Variants in CRACDL observed in about 807,000 individuals in gnomAD.
The protein encoded by CRACDL is CRACD like, also known as CRACD-like protein.
In CRACDL, 26 loss-of-function variants were observed where a neutral mutation model predicts 70.6. That is an observed-to-expected ratio of 0.37 (90% CI 0.27 to 0.51). CRACDL has a LOEUF of 0.51. Ranked by LOEUF, CRACDL falls within the 20% of genes least tolerant of loss-of-function variation. The pLI is 0.94. For synonymous variants in CRACDL, 618 were observed against 615.2 expected (o/e 1.00, Z -0.07); for missense variants, 1,283 against 1,376.9 (o/e 0.93, Z 1.08).
At chr2:98,876,650 C>G (rs1707495423) in intron 1 of CRACDL, among the ~76,000 whole-genome samples, 1 of 152,222 alleles carries the variant, frequency 6.6e-6, no homozygotes, top group Non-Finnish European at 1.5e-5. Context: ...TTCCATGAAA[C>G]TGATCTCTGG....
chr2:98,832,664 C>G (rs1575364199), intron 4 of CRACDL, 152 bp from the exon 5 acceptor site: 2 of 1,015,510 alleles, frequency 2.0e-6, no homozygotes, highest in East Asian at 2.4e-5. Flanking sequence ...ACCAGCTCTT[C>G]CACTGCCATC....
chr2:98,930,622 C>A, intron 1 of CRACDL, among the ~76,000 whole-genome samples: 1 of 152,000 alleles, frequency 6.6e-6, no homozygotes, highest in Admixed American at 6.6e-5. Context: ...GTCACCTACC[C>A]CTCTTCCGTC....
chr2:98,804,363 G>A (rs1391289431), intron 7 of CRACDL, among the ~76,000 whole-genome samples: 3 of 152,138 alleles, frequency 2.0e-5, no homozygotes, highest in Non-Finnish European at 2.9e-5. Context: ...TTGAGAATTC[G>A]CCTACTCGCT....
At chr2:98,907,352 G>C (rs7607186) in intron 1 of CRACDL, among the ~76,000 whole-genome samples, 19,783 of 152,160 alleles carry the variant, frequency 0.13, 1,498 homozygotes, top group Non-Finnish European at 0.16. Flanking sequence ...CAATGTGACT[G>C]TGTGACTTCC....
At chr2:98,824,019 C>A (rs1462986188) in intron 6 of CRACDL, among the ~76,000 whole-genome samples, 3 of 152,184 alleles carry the variant, frequency 2.0e-5, no homozygotes, top group African/African-American at 7.2e-5. Context: ...CTCTATGGCT[C>A]TGTGTTCCTC....
chr2:98,922,610 A>T (rs921130482), intron 1 of CRACDL, among the ~76,000 whole-genome samples: 1 of 152,188 alleles, frequency 6.6e-6, no homozygotes, highest in Non-Finnish European at 1.5e-5. Context: ...CCCAGGGAAG[A>T]CCAGCTCAAG....
chr2:98,797,261 G>A, intron 8 of CRACDL, 89 bp downstream of exon 8: 1 of 1,229,796 alleles, frequency 8.1e-7, no homozygotes, highest in Non-Finnish European at 1.2e-6. Flanking sequence ...CGCCCATGCA[G>A]CACATGTGGT....
At chr2:98,918,628 C>G (rs1453180661) in intron 1 of CRACDL, among the ~76,000 whole-genome samples, 1 of 148,886 alleles carries the variant, frequency 6.7e-6, no homozygotes, top group African/African-American at 2.5e-5. Flanking sequence ...TAATAGCCAT[C>G]CTTTCTGCTA....
intron 1 of CRACDL, among the ~76,000 whole-genome samples, chr2:98,858,846 G>A (rs1293999807): frequency 6.6e-6 from 1 of 151,882 alleles, no homozygotes; most frequent in African/African-American, 2.4e-5. Context: ...GTATTTTAAG[G>A]GAATATTATG....
chr2:98,866,002 G>T (rs1476309281), intron 1 of CRACDL, among the ~76,000 whole-genome samples: 1 of 151,910 alleles, frequency 6.6e-6, no homozygotes, highest in East Asian at 1.9e-4. Flanking sequence ...CCTGCTCTCT[G>T]AAGCTGTCAT....
At chr2:98,876,237 A>C (rs1276567913) in intron 1 of CRACDL, among the ~76,000 whole-genome samples, 1 of 152,230 alleles carries the variant, frequency 6.6e-6, no homozygotes, top group Non-Finnish European at 1.5e-5. Context: ...TCCTTTACAG[A>C]TCTAAAATCA....
chr2:98,896,929 C>T (rs1271905991), intron 1 of CRACDL, among the ~76,000 whole-genome samples: 1 of 152,158 alleles, frequency 6.6e-6, no homozygotes, highest in African/African-American at 2.4e-5. Context: ...GCAGGCATTG[C>T]TCACCCTTCT....
Position 98,923,605 on chromosome 2 carries a change from A to G in CRACDL, c.-11+12333T>C, listed in dbSNP as rs536639176. 3.9e-5 allele frequency among the ~76,000 whole-genome samples: 6 copies of G among 152,340 alleles called. No individual in the cohort carries two copies. The South Asian group carries it at 1.2e-3, about 32-fold the overall frequency. ...TGTGAATCCCTGATGTACATGCACT[A>G]TCTAGAAATGAAATCAATACTAGGT... On this transcript the variant is annotated intron_variant, in intron 1 of 9. Transcript: ENST00000397899.
chr2:98,841,729 A>T (rs1325054480), intron 2 of CRACDL, among the ~76,000 whole-genome samples: 2 of 152,162 alleles, frequency 1.3e-5, no homozygotes, highest in African/African-American at 4.8e-5. Context: ...ATCACTCCTG[A>T]AATACATTTT....
chr2:98,847,492 C>T (rs1323972501), intron 1 of CRACDL, among the ~76,000 whole-genome samples: 1 of 152,098 alleles, frequency 6.6e-6, no homozygotes, highest in African/African-American at 2.4e-5. Context: ...ATCTTTACCC[C>T]CACACCCCAT....
intron 7 of CRACDL, among the ~76,000 whole-genome samples, chr2:98,814,979 GTGTTA>G (rs1704723414): frequency 1.3e-5 from 2 of 151,470 alleles, no homozygotes; most frequent in South Asian, 2.1e-4. Context: ...AGTCTTCTTT[GTGTTA>G]TATGAATATA....
At chr2:98,836,834 G>A (rs1373560365) in intron 3 of CRACDL, among the ~76,000 whole-genome samples, 1 of 152,164 alleles carries the variant, frequency 6.6e-6, no homozygotes, top group Non-Finnish European at 1.5e-5. Context: ...TGTAATCCCA[G>A]CACTTTGGGA....
In CRACDL at chr2:98,803,977, G is replaced by C. The variant is rs537637639; in HGVS notation, c.2417-6440C>G. 1.4e-4 allele frequency among the ~76,000 whole-genome samples: 21 copies of C among 152,228 alleles called. No homozygotes were observed. In the East Asian group the frequency reaches 3.1e-3, roughly 22 times the overall value. On this transcript the variant is annotated intron_variant, in intron 7 of 9. Coordinates refer to ENST00000397899, the MANE Select transcript of CRACDL (RefSeq NM_207362.3). ...ACACCACTGCGGCAGGGTTTGTCAG[G>C]CTTCCTAGATAAACAGCTTGAGGGG...
intron 2 of CRACDL, among the ~76,000 whole-genome samples, chr2:98,846,158 T>A (rs981167896): frequency 6.6e-6 from 1 of 152,186 alleles, no homozygotes; most frequent in African/African-American, 2.4e-5. Context: ...TATCAGGACA[T>A]AAATAGCAAT....
Sources: gnomAD v4.1 joint callset for allele counts (sites outside exome capture counted in the v4.1 genomes callset) on GRCh38, gnomAD v4.1.1 for gene constraint, MANE v1.5 for transcripts, NCBI Gene and HGNC (gene_info 2026-07-23, HGNC 2026-07-21) for gene names.